MCM8: variants seen among roughly 807,000 people sequenced by gnomAD.
MCM8 encodes the protein minichromosome maintenance 8 homologous recombination repair factor.
MCM8 carries 85 observed loss-of-function variants against 98.9 expected under a neutral mutation model. The observed-to-expected ratio is 0.86, with a 90% CI of 0.72 to 1.03. The LOEUF (loss-of-function observed/expected upper bound fraction) is 1.03, where lower values mean the gene tolerates loss of function less well. MCM8 is among the 50% of genes least tolerant of loss of function. The pLI is 0.00. For synonymous variants in MCM8, 352 were observed against 338.6 expected (o/e 1.04, Z -0.44); for missense variants, 951 against 997.8 (o/e 0.95, Z 0.63).
chr20:5,992,953 C>T (rs1274289295), intron 17 of MCM8, among the ~76,000 whole-genome samples: 1 of 152,148 alleles, frequency 6.6e-6, no homozygotes, highest in East Asian at 1.9e-4. Context: ...AATTCACTAT[C>T]AAGTACGTAC....
In MCM8 at chr20:5,951,441, A is replaced by G. The variant is rs149837748; in HGVS notation, c.-6+418A>G. 9.6e-3 allele frequency among the ~76,000 whole-genome samples: 1,349 copies of G among 140,324 alleles called. 17 individuals carry two copies. Among genetic ancestry groups the G allele is most frequent in the African/African-American group, 0.038 (1,255 of 33,412 alleles). The allele number at this position is 140,324 out of a possible 152,430, so 92.1% of individuals were successfully genotyped here. A position where few individuals can be genotyped will look rare whatever the true frequency, so the allele number is the denominator to read the frequency against. On this transcript the variant is annotated intron_variant, in intron 1 of 18. Transcript: ENST00000610722. ...GATAATGAATTGCACTGCAGCGTAC[A>G]GGTATATCTTTATTTACTTGTATAC...
Position 5,975,558 on chromosome 20 carries a change from A to G in MCM8, c.1396-2318A>G, listed in dbSNP as rs374011546. ...GCCGCCCAGGCTGGAGTGCAGTGGC[A>G]TGATCTTGGCTCACTGCAAGCTCCG... On this transcript the variant is annotated intron_variant, in intron 12 of 18. Transcript: ENST00000610722. Among the ~76,000 whole-genome samples, 17 of 144,072 alleles carry G rather than the reference A, an allele frequency of 1.2e-4. No individual in the cohort carries two copies. The East Asian group carries it at 3.2e-3, about 28-fold the overall frequency. 94.5% of individuals were successfully genotyped at this position (144,072 alleles called of 152,430 possible). A position where few individuals can be genotyped will look rare whatever the true frequency, so the allele number is the denominator to read the frequency against.
At chr20:5,986,555 C>A (rs1259731220) in intron 16 of MCM8, among the ~76,000 whole-genome samples, 2 of 152,180 alleles carry the variant, frequency 1.3e-5, no homozygotes, top group Non-Finnish European at 2.9e-5. Context: ...TATCTATTCA[C>A]AGTTTGAAAT....
At position 5,955,148 on chromosome 20, in the gene MCM8, T is replaced by C. The variant is rs2088941276; in HGVS notation, c.383T>C (p.Leu128Pro). Residue 128 changes from leucine (L) to proline (P), a missense_variant, in exon 5 of 19, where the codon CTG (leucine) becomes CCG (proline). Transcript: ENST00000610722. The part of the protein sequence containing the change: ...KGSILVDFKE[L>P]TEGGEVTNLI... Reference sequence around the variant, plus strand: ...AGTATTTTGGTAGATTTTAAAGAACTGACAGAAGGTGGTGAAGTAACTAAC... The same window carrying C: ...AGTATTTTGGTAGATTTTAAAGAACCGACAGAAGGTGGTGAAGTAACTAAC... 1.2e-6 allele frequency: 2 copies of C among 1,609,964 alleles called. No individual in the cohort carries two copies. The highest frequency in any genetic ancestry group is 1.1e-5 in the South Asian group (1 of 90,728).
intron 10 of MCM8, among the ~76,000 whole-genome samples, chr20:5,971,774 C>T (rs570482009): frequency 5.3e-5 from 8 of 152,258 alleles, no homozygotes; most frequent in Admixed American, 2.0e-4. Flanking sequence ...CTTTAAGATG[C>T]TTTGCAAGTA....
At position 5,997,904 on chromosome 20, in the gene MCM8, A is replaced by C. The variant is rs367855838; in HGVS notation, c.*3513A>C. On this transcript the variant is annotated 3_prime_UTR_variant, in exon 19 of 19. Transcript: ENST00000610722. The stretch of plus-strand genomic sequence containing the variant: ...TCCTCTCTTTTCCAATATTGTGTTA[A>C]GTAAATTGTATTGGTGGTAATCAAC... 1 of 152,220 alleles carries C rather than the reference A, an allele frequency of 6.6e-6. No homozygotes were observed. Among genetic ancestry groups the C allele is most frequent in the East Asian group, 1.9e-4 (1 of 5,198 alleles). The allele number at this position is 152,220 out of a possible 1,614,324, so 9.4% of individuals were successfully genotyped here. A position where few individuals can be genotyped will look rare whatever the true frequency, so the allele number is the denominator to read the frequency against.
chr20:5,975,518 T>A (rs1402988567), intron 12 of MCM8, among the ~76,000 whole-genome samples: 2 of 141,762 alleles, frequency 1.4e-5, no homozygotes, highest in Non-Finnish European at 3.0e-5. Flanking sequence ...TTTTTTTGAG[T>A]CGGAGTCTCG....
intron 12 of MCM8, among the ~76,000 whole-genome samples, chr20:5,975,164 C>T (rs777130076): frequency 4.6e-5 from 7 of 151,856 alleles, no homozygotes; most frequent in Non-Finnish European, 8.8e-5. Context: ...GAGGCTGCAG[C>T]AGGATGATTG....
chr20:5,994,210 G>C, intron 18 of MCM8, 89 bp from the exon 19 acceptor site: 10 of 720,756 alleles, frequency 1.4e-5, no homozygotes, highest in Non-Finnish European at 2.2e-5. Context: ...AAACTTTACA[G>C]GTACATATTA....
Position 5,978,002 on chromosome 20 carries a change from G to C in MCM8, c.1522G>C (p.Val508Leu). Residue 508 changes from valine (V) to leucine (L), a missense_variant, in exon 13 of 19, where the codon GTA becomes CTA. Physicochemically the swap from Val to Leu is conservative, Grantham distance 32. Coordinates refer to ENST00000610722, the MANE Select transcript of MCM8 (RefSeq NM_032485.6). ...TTTTGCTTTGGAAGCTGGTGCCCTG[G>C]TACTTGGTGATCAAGGTGAGAGGCC... ...GDFALEAGALVLGDQGICGID... is the reference protein window; with the variant it reads ...GDFALEAGALLLGDQGICGID... The C allele has an allele frequency of 6.2e-7, 1 of 1,614,234 alleles. No homozygotes were observed. The highest frequency in any genetic ancestry group is 8.5e-7 in the Non-Finnish European group (1 of 1,180,044).
chr20:5,972,860 A>G lies in MCM8; in HGVS notation c.1255-196A>G, dbSNP rs1935192808. 13 of 1,353,518 alleles carry G rather than the reference A, an allele frequency of 9.6e-6. No individual in the cohort carries two copies. The South Asian group carries it at 1.4e-4, about 15-fold the overall frequency. The allele number at this position is 1,353,518 out of a possible 1,614,324, so 83.8% of individuals were successfully genotyped here. On this transcript the variant is annotated intron_variant, in intron 11 of 18. Transcript: ENST00000610722. ...ATTTCTAAGATAGCTCTGATTTTAT[A>G]TGTTTTCAAGTTTTTACTTTTTAAT...
At position 5,967,895 on chromosome 20, in the gene MCM8, A is replaced by G; in HGVS notation, c.1093A>G (p.Ser365Gly). ...LYIEANSISNSKGQKTKSSED... is the reference protein window; with the variant it reads ...LYIEANSISNGKGQKTKSSED... ...TATTGAAGCAAATTCTATTAGTAATAGCAAAGGACAGAAAACAAAGAGTTC... is the reference window on the plus strand; with the variant it reads ...TATTGAAGCAAATTCTATTAGTAATGGCAAAGGACAGAAAACAAAGAGTTC... Residue 365 changes from serine to glycine, a missense_variant, in exon 10 of 19, where the codon AGC (serine) becomes GGC (glycine). Coordinates refer to ENST00000610722, the MANE Select transcript of MCM8 (RefSeq NM_032485.6). 6.2e-7 allele frequency: 1 copy of G among 1,613,978 alleles called. No individual in the cohort carries two copies. Among genetic ancestry groups the G allele is most frequent in the Non-Finnish European group, 8.5e-7 (1 of 1,179,888 alleles).
At chr20:5,984,118 C>G (rs896407925) in intron 14 of MCM8, among the ~76,000 whole-genome samples, 2 of 151,970 alleles carry the variant, frequency 1.3e-5, no homozygotes, top group Admixed American at 1.3e-4. Flanking sequence ...ACAGCTTGGA[C>G]AAAATGTGTG....
intron 16 of MCM8, among the ~76,000 whole-genome samples, chr20:5,986,564 A>C (rs929199916): frequency 1.3e-4 from 20 of 152,326 alleles, no homozygotes; most frequent in South Asian, 4.1e-4. Flanking sequence ...ACAGTTTGAA[A>C]TACTAAGAGA....
At chr20:5,972,360 C>G (rs1453563348) in intron 11 of MCM8, among the ~76,000 whole-genome samples, 1 of 151,832 alleles carries the variant, frequency 6.6e-6, no homozygotes, top group Admixed American at 6.6e-5. Flanking sequence ...CATGCACCAC[C>G]ATGTGCAGCT....
intron 7 of MCM8, among the ~76,000 whole-genome samples, chr20:5,961,903 G>A (rs549395479): frequency 3.9e-5 from 6 of 152,260 alleles, no homozygotes; most frequent in Admixed American, 1.3e-4. Flanking sequence ...CTCTATTCCC[G>A]CCACTATTGT....
At position 5,994,745 on chromosome 20, in the gene MCM8, A is replaced by AG; in HGVS notation, c.*354_*355insG. Reference sequence around the variant, plus strand: ...AAGACCCCATTTCTTAAAAAAAAAAAAAAAAAATTTAAACTTAGCTGGGTA... The same window carrying AG: ...AAGACCCCATTTCTTAAAAAAAAAAAGAAAAAAATTTAAACTTAGCTGGGTA... On this transcript the variant is annotated 3_prime_UTR_variant, in exon 19 of 19. Transcript: ENST00000610722. 2.2e-6 allele frequency: 1 copy of AG among 452,944 alleles called. No individual in the cohort carries two copies. 28.1% of individuals were successfully genotyped at this position (452,944 alleles called of 1,614,324 possible).
rs2089956775 is a variant in MCM8, at chr20:5,996,302, GTAGA to G, written c.*1915_*1918del. 1.4e-5 allele frequency: 2 copies of G among 139,812 alleles called. No homozygotes were observed. The highest frequency in any genetic ancestry group is 5.6e-5 in the African/African-American group (2 of 35,714). The allele number at this position is 139,812 out of a possible 1,614,324, so 8.7% of individuals were successfully genotyped here. On this transcript the variant is annotated 3_prime_UTR_variant, in exon 19 of 19. Coordinates refer to ENST00000610722, the MANE Select transcript of MCM8 (RefSeq NM_032485.6). ...AAGAAAAAAAAAAAAAATGGAGAAAGTAGATAGTAGTATAAATATAGTGAAGTCT... is the reference window on the plus strand; with the variant it reads ...AAGAAAAAAAAAAAAAATGGAGAAAGTAGTAGTATAAATATAGTGAAGTCT...
At chr20:5,975,072 A>G (rs2089480153) in intron 12 of MCM8, among the ~76,000 whole-genome samples, 1 of 152,176 alleles carries the variant, frequency 6.6e-6, no homozygotes, top group Admixed American at 6.5e-5. Context: ...CAGCCTGTGC[A>G]ACAAAGTGAG....
Sources: gnomAD v4.1 joint callset for allele counts (sites outside exome capture counted in the v4.1 genomes callset) on GRCh38, gnomAD v4.1.1 for gene constraint, MANE v1.5 for transcripts, NCBI Gene and HGNC (gene_info 2026-07-23, HGNC 2026-07-21) for gene names.